Variants in ARMCX5 observed in about 807,000 individuals in gnomAD.
ARMCX5 encodes the protein armadillo repeat-containing X-linked protein 5.
A neutral mutation model predicts 7.5 loss-of-function variants in ARMCX5; 1 was observed. The ratio of observed to expected loss-of-function variants is 0.13; its 90% CI spans 0.05 to 0.63. The LOEUF is 0.63. ARMCX5 is among the 30% of genes least tolerant of loss of function. ARMCX5 has a pLI of 0.86. For missense variants in ARMCX5, 346 were observed against 402.2 expected (o/e 0.86, Z 1.19); for synonymous variants, 149 against 145.7 (o/e 1.02, Z -0.16).
Position 102,602,656 on chromosome X carries a change from C to T in ARMCX5, c.515C>T (p.Ser172Phe). ...SSDEDEENIC[S>F]WFWTGEEPSV... is the part of the protein sequence containing the mutation. ...GATGAGGATGAAGAAAATATATGCT[C>T]CTGGTTCTGGACTGGAGAAGAGCCT... Residue 172 changes from serine (S) to phenylalanine (F), a missense_variant, in exon 4 of 4, where the codon TCC becomes TTC. Ser to Phe is a radical substitution (Grantham distance 155). Transcript: ENST00000473968. 8.3e-7 allele frequency: 1 copy of T among 1,211,073 alleles called. No individual in the cohort carries two copies. Among genetic ancestry groups the T allele is most frequent in the South Asian group, 1.8e-5 (1 of 56,959 alleles).
At chrX:102,601,069 G>A (rs988204844) in intron 2 of ARMCX5, 37 bp downstream of exon 2, 3 of 111,825 alleles carry the variant, frequency 2.7e-5, no homozygotes, top group Non-Finnish European at 3.8e-5. Flanking sequence ...GGGCAACTTC[G>A]ACTAGAGAAT....
In ARMCX5 at chrX:102,603,053, C is replaced by T; in HGVS notation, c.912C>T (p.Gly304=). Residue 304 remains glycine (G), a synonymous_variant, in exon 4 of 4, where the codon GGC becomes GGT. Transcript: ENST00000473968. ...NPKACHCKSR[G]FSLEPKEFDK... ...AGGCCTGCCACTGCAAATCACGTGG[C>T]TTTAGTTTAGAGCCTAAAGAGTTTG... The T allele has an allele frequency of 8.3e-7, 1 of 1,211,844 alleles. No individual in the cohort carries two copies. The highest frequency in any genetic ancestry group is 1.1e-6 in the Non-Finnish European group (1 of 895,487).
chrX:102,602,055 T>C lies in ARMCX5; in HGVS notation c.-87T>C, dbSNP rs1468205647. 1 of 803,565 alleles carries C rather than the reference T, an allele frequency of 1.2e-6. No homozygotes were observed. The highest frequency in any genetic ancestry group is 1.8e-6 in the Non-Finnish European group (1 of 551,780). 66.2% of individuals were successfully genotyped at this position (803,565 alleles called of 1,213,427 possible). A position where few individuals can be genotyped will look rare whatever the true frequency, so the allele number is the denominator to read the frequency against. ...AGGGGACAGAGTGACTACTGGACTT[T>C]GTGTGAAAACACCAACCGGGACAAA... is the stretch of plus-strand genomic sequence containing the variant. On this transcript the variant is annotated 5_prime_UTR_variant, in exon 4 of 4. Coordinates refer to ENST00000473968, the MANE Select transcript of ARMCX5 (RefSeq NM_001168478.2).
In ARMCX5 at chrX:102,603,798, C is replaced by T. The variant is rs1366416541; in HGVS notation, c.1657C>T (p.Arg553Ter). The T allele has an allele frequency of 4.3e-6, 5 of 1,160,246 alleles. No homozygotes were observed. Among genetic ancestry groups the T allele is most frequent in the African/African-American group, 3.6e-5 (2 of 54,994 alleles). Residue 553 changes from arginine to a stop codon, truncating the protein, a stop_gained, in exon 4 of 4, where the codon CGA becomes TGA. Transcript: ENST00000473968. LOFTEE classifies it high-confidence loss of function. Reference sequence around the variant, plus strand: ...TCCCGAAGTGAGAGATAAAGTCATACGATTAATACTAAAACTCTGAATACC... The same window carrying T: ...TCCCGAAGTGAGAGATAAAGTCATATGATTAATACTAAAACTCTGAATACC... Reference protein sequence around the residue: ...SDPEVRDKVIRLILKL With the variant: ...SDPEVRDKVI
At position 102,602,604 on chromosome X, in the gene ARMCX5, G is replaced by T. The variant is rs1186847886; in HGVS notation, c.463G>T (p.Glu155Ter). The change falls in exon 4 of 4, where the codon GAG (glutamate) becomes TAG (stop). Residue 155 changes from glutamate to a stop codon, truncating the protein, a stop_gained. Coordinates refer to ENST00000473968, the MANE Select transcript of ARMCX5 (RefSeq NM_001168478.2). LOFTEE classifies it low-confidence loss of function (END_TRUNC). ...TGGGTCCAGACCTGACAGAAGGGAA[G>T]AGACCAGCATTGGGATGAAATCCAG... is the stretch of plus-strand genomic sequence containing the variant. ...NTGSRPDRRE[E>*]TSIGMKSSDE... The T allele has an allele frequency of 8.3e-7, 1 of 1,210,510 alleles. No homozygotes were observed. Among genetic ancestry groups the T allele is most frequent in the East Asian group, 3.0e-5 (1 of 33,828 alleles).
Position 102,603,014 on chromosome X carries a change from T to C in ARMCX5, c.873T>C (p.Tyr291=), listed in dbSNP as rs760401300. Reference sequence around the variant, plus strand: ...AACAGATTAGGCAAAGGGAAAAGTATGGGCCTAATCCGAAGGCCTGCCACT... The same window carrying C: ...AACAGATTAGGCAAAGGGAAAAGTACGGGCCTAATCCGAAGGCCTGCCACT... The part of the protein sequence containing the change: ...IKKQIRQREK[Y]GPNPKACHCK... Residue 291 remains tyrosine (Y), a synonymous_variant, in exon 4 of 4, where the codon TAT becomes TAC. Coordinates refer to ENST00000473968, the MANE Select transcript of ARMCX5 (RefSeq NM_001168478.2). 8 of 1,209,842 alleles carry C rather than the reference T, an allele frequency of 6.6e-6. No homozygotes were observed. The East Asian group carries it at 2.4e-4, about 36-fold the overall frequency.
intron 3 of ARMCX5, 120 bp downstream of exon 3, chrX:102,601,629 A>G (rs1222420870): frequency 1.7e-5 from 2 of 116,654 alleles, no homozygotes; most frequent in Non-Finnish European, 1.8e-5. Context: ...GTCAAGAACC[A>G]CTAAAGGGAT....
Position 102,603,335 on chromosome X carries a change from A to G in ARMCX5, c.1194A>G (p.Lys398=). Residue 398 remains lysine (K), a synonymous_variant, in exon 4 of 4, where the codon AAA becomes AAG. Transcript: ENST00000473968. ...SGESYIHQVC[K]GIISCPLNSP... The stretch of plus-strand genomic sequence containing the variant: ...AGTCATATATACATCAAGTTTGTAA[A>G]GGCATAATCTCTTGCCCCTTGAACT... The G allele has an allele frequency of 1.7e-6, 2 of 1,210,600 alleles. No homozygotes were observed. The highest frequency in any genetic ancestry group is 2.2e-6 in the Non-Finnish European group (2 of 894,614).
At position 102,602,443 on chromosome X, in the gene ARMCX5, G is replaced by A. The variant is rs781198467; in HGVS notation, c.302G>A (p.Ser101Asn). ...ETKTKPLAER[S>N]IVPQTKSKAM... ...AAGACAAAACCCCTGGCAGAACGCAGTATAGTGCCACAAACCAAGTCAAAG... is the reference window on the plus strand; with the variant it reads ...AAGACAAAACCCCTGGCAGAACGCAATATAGTGCCACAAACCAAGTCAAAG... The change falls in exon 4 of 4, where the codon AGT (serine) becomes AAT (asparagine). Residue 101 changes from serine (S) to asparagine (N), a missense_variant. Physicochemically the swap from Ser to Asn is conservative, Grantham distance 46. Around this residue, in one of 3 missense-constraint regions of ARMCX5, gnomAD observed 204 missense variants for 244.3 expected, o/e 0.83. Transcript: ENST00000473968. The A allele has an allele frequency of 6.6e-6, 8 of 1,210,325 alleles. No individual in the cohort carries two copies. The East Asian group carries it at 1.8e-4, about 27-fold the overall frequency.
intron 3 of ARMCX5, 160 bp downstream of exon 3, chrX:102,601,669 C>G (rs1002086684): frequency 8.4e-6 from 1 of 119,731 alleles, no homozygotes; most frequent in Non-Finnish European, 1.7e-5. Flanking sequence ...TTTTCCTACT[C>G]CTTATGCTCC....
Position 102,602,071 on chromosome X carries a change from C to A in ARMCX5, c.-71C>A. ...ACTGGACTTTGTGTGAAAACACCAA[C>A]CGGGACAAAACTTCAGTCAAGGCTG... is the stretch of plus-strand genomic sequence containing the variant. On this transcript the variant is annotated 5_prime_UTR_variant, in exon 4 of 4. Coordinates refer to ENST00000473968, the MANE Select transcript of ARMCX5 (RefSeq NM_001168478.2). The A allele has an allele frequency of 2.1e-6, 2 of 962,365 alleles. No individual in the cohort carries two copies. The highest frequency in any genetic ancestry group is 2.9e-6 in the Non-Finnish European group (2 of 694,562). The allele number at this position is 962,365 out of a possible 1,213,427, so 79.3% of individuals were successfully genotyped here. A position where few individuals can be genotyped will look rare whatever the true frequency, so the allele number is the denominator to read the frequency against.
At position 102,603,770 on chromosome X, in the gene ARMCX5, T is replaced by C. The variant is rs2081072752; in HGVS notation, c.1629T>C (p.Ser543=). 8.4e-7 allele frequency: 1 copy of C among 1,195,403 alleles called. No individual in the cohort carries two copies. The highest frequency in any genetic ancestry group is 1.8e-5 in the African/African-American group (1 of 56,397). Reference sequence around the variant, plus strand: ...AACTCCAAGACTTAGCAGAGCACAGTGATCCCGAAGTGAGAGATAAAGTCA... The same window carrying C: ...AACTCCAAGACTTAGCAGAGCACAGCGATCCCGAAGTGAGAGATAAAGTCA... The part of the protein sequence containing the change: ...GQKLQDLAEH[S]DPEVRDKVIR... The change falls in exon 4 of 4, where the codon AGT becomes AGC. Residue 543 remains serine (S), a synonymous_variant. Transcript: ENST00000473968.
chrX:102,603,261 A>G lies in ARMCX5; in HGVS notation c.1120A>G (p.Ser374Gly), dbSNP rs1162212868. Residue 374 changes from serine to glycine, a missense_variant, in exon 4 of 4, where the codon AGT becomes GGT. Coordinates refer to ENST00000473968, the MANE Select transcript of ARMCX5 (RefSeq NM_001168478.2). The stretch of plus-strand genomic sequence containing the variant: ...TGTTAAAGAACACCCTGGAGCTTTA[A>G]GTATGGTGGATGACAGCTCTGAGTC... ...PNVKEHPGAL[S>G]MVDDSSESSE... The G allele has an allele frequency of 2.5e-6, 3 of 1,211,529 alleles. 1 individual carries two copies. In the South Asian group the frequency reaches 5.3e-5, roughly 21 times the overall value.
At chrX:102,600,868 A>G (rs2081029679) in intron 1 of ARMCX5, 52 bp from the exon 2 acceptor site, 2 of 111,756 alleles carry the variant, frequency 1.8e-5, no homozygotes, top group South Asian at 7.6e-4. Flanking sequence ...AACAGCCTCA[A>G]CTGTCTCCTG....
chrX:102,600,530 C>T (rs1401195830), intron 1 of ARMCX5: 1 of 111,125 alleles, frequency 9.0e-6, no homozygotes, highest in Non-Finnish European at 1.9e-5. Flanking sequence ...AACATGTCCT[C>T]CCTTACCCGC....
intron 2 of ARMCX5, chrX:102,601,256 G>A (rs911751537): frequency 9.0e-6 from 1 of 111,377 alleles, no homozygotes; most frequent in Non-Finnish European, 1.9e-5. Flanking sequence ...CTGAACGAGG[G>A]ACATTCTAGG....
At chrX:102,601,170 T>C (rs1269762890) in intron 2 of ARMCX5, 138 bp downstream of exon 2, 1 of 111,559 alleles carries the variant, frequency 9.0e-6, no homozygotes, top group South Asian at 3.8e-4. Context: ...TGGTAAGTTG[T>C]GGGGGTACAG....
intron 2 of ARMCX5, 195 bp downstream of exon 2, chrX:102,601,227 C>T (rs1287128115): frequency 1.8e-5 from 2 of 111,559 alleles, no homozygotes; most frequent in Non-Finnish European, 3.8e-5. Flanking sequence ...CCTGCTCTCA[C>T]GCTTGAACCT....
rs1476582628 is a variant in ARMCX5, at chrX:102,603,208, T to C, written c.1067T>C (p.Met356Thr). Residue 356 changes from methionine (M) to threonine (T), a missense_variant, in exon 4 of 4, where the codon ATG (methionine) becomes ACG (threonine). Met to Thr is a moderately conservative substitution (Grantham distance 81, BLOSUM62 -1). This residue lies in a region of ARMCX5 where 139 missense variants were observed against 141.1 expected (regional missense o/e 0.99). Coordinates refer to ENST00000473968, the MANE Select transcript of ARMCX5 (RefSeq NM_001168478.2). Reference sequence around the variant, plus strand: ...ATTCATGATGTAGGTATTACTGTTATGATTGAAAACTTGGTCAATAATCCC... The same window carrying C: ...ATTCATGATGTAGGTATTACTGTTACGATTGAAAACTTGGTCAATAATCCC... ...DIIHDVGITV[M>T]IENLVNNPNV... 8.3e-7 allele frequency: 1 copy of C among 1,209,366 alleles called. No homozygotes were observed.
Sources: allele counts gnomAD v4.1 joint callset, GRCh38; gene constraint gnomAD v4.1.1; regional missense constraint gnomAD v4.1.1; transcripts MANE v1.5; gene names NCBI Gene and HGNC (gene_info 2026-07-23, HGNC 2026-07-21).